Variants in NFIX observed in about 807,000 individuals in gnomAD.
NFIX encodes the protein nuclear factor I X.
Under a neutral mutation model 53.3 loss-of-function variants are expected in NFIX, and 2 were observed. The observed-to-expected ratio is 0.04, with a 90% CI of 0.02 to 0.12. The LOEUF (loss-of-function observed/expected upper bound fraction) is 0.12. Ranked by LOEUF, NFIX falls within the 10% of genes least tolerant of loss-of-function variation. The probability of loss-of-function intolerance (pLI) is 1.00; values close to 1 mark genes in which losing one functional copy is unlikely to be tolerated. For synonymous variants in NFIX, 244 were observed against 289.0 expected, an observed-to-expected ratio of 0.84 and a Z score of 1.58; for missense variants, 310 against 674.5, an observed-to-expected ratio of 0.46 and a Z score of 5.99.
intron 2 of NFIX, among the ~76,000 whole-genome samples, chr19:13,057,279 G>A (rs1334707472): frequency 5.3e-5 from 8 of 152,368 alleles, no homozygotes; most frequent in African/African-American, 1.4e-4. Flanking sequence ...GCAGAGCGGG[G>A]AGCGAGCAGG....
intron 5 of NFIX, among the ~76,000 whole-genome samples, chr19:13,075,242 G>C (rs1299308739): frequency 2.0e-5 from 3 of 152,114 alleles, no homozygotes; most frequent in African/African-American, 7.2e-5. Flanking sequence ...TGGGATACAG[G>C]AGGCAGCTGA....
chr19:13,074,883 C>T (rs2016987812), intron 5 of NFIX, among the ~76,000 whole-genome samples: 1 of 151,494 alleles, frequency 6.6e-6, no homozygotes, highest in Admixed American at 6.6e-5. Flanking sequence ...TCCTGGCTAA[C>T]ACGGTGAAAC....
chr19:13,081,576 G>A lies in NFIX; in HGVS notation c.1079-104G>A. ...TGTGGCGGCTGCCTTACCTGCTCAGGATCCTCAGGACCCTCTGACCGGCAG... is the reference window on the plus strand; with the variant it reads ...TGTGGCGGCTGCCTTACCTGCTCAGAATCCTCAGGACCCTCTGACCGGCAG... On this transcript the variant is annotated intron_variant, in intron 7 of 10. Transcript: ENST00000592199. This position sits in a 1 kb window ranked among gnomAD's most constrained non-coding sequence, Gnocchi z 4.7. The A allele has an allele frequency of 8.1e-7, 1 of 1,238,222 alleles. No homozygotes were observed. Among genetic ancestry groups the A allele is most frequent in the African/African-American group, 1.5e-5 (1 of 66,626 alleles). The allele number at this position is 1,238,222 out of a possible 1,614,324, so 76.7% of individuals were successfully genotyped here.
rs867124497 is a variant in NFIX, at chr19:13,019,727, G to T, written c.28-5294G>T. 3.4e-3 allele frequency among the ~76,000 whole-genome samples: 423 copies of T among 123,816 alleles called. 1 individual carries two copies. The highest frequency in any genetic ancestry group is 0.01 in the South Asian group (41 of 3,918). 81.2% of individuals were successfully genotyped at this position (123,816 alleles called of 152,430 possible). A position where few individuals can be genotyped will look rare whatever the true frequency, so the allele number is the denominator to read the frequency against. ...ACTGTTGCTGGTTTTTTTTTTGTTT[G>T]TTTGTTTTTTTTTTTTTTTTACCAA... is the stretch of plus-strand genomic sequence containing the variant. On this transcript the variant is annotated intron_variant, in intron 1 of 10. Transcript: ENST00000592199.
At chr19:13,071,043 T>C (rs1223311209) in intron 2 of NFIX, 2 of 152,386 alleles carry the variant, frequency 1.3e-5, no homozygotes, top group Non-Finnish European at 2.9e-5. Context: ...TTCCTCCTTC[T>C]TCCCCTGATT....
Position 13,025,471 on chromosome 19 carries a change from G to A in NFIX, c.478G>A (p.Gly160Ser), listed in dbSNP as rs1568269482. 3 of 1,613,908 alleles carry A rather than the reference G, an allele frequency of 1.9e-6. No homozygotes were observed. Among genetic ancestry groups the A allele is most frequent in the Non-Finnish European group, 2.5e-6 (3 of 1,179,916 alleles). The change falls in exon 2 of 11, where the codon GGC (glycine) becomes AGC (serine). Residue 160 changes from glycine (G) to serine (S), a missense_variant. By Grantham distance (56) the Gly-to-Ser change is moderately conservative. Coordinates refer to ENST00000592199, the MANE Select transcript of NFIX (RefSeq NM_001365902.3). This position sits in a 1 kb window ranked among gnomAD's most constrained non-coding sequence, Gnocchi z 7.5. Reference sequence around the variant, plus strand: ...CAAGTCGCCTCAGTGCTCGAACCCCGGCCTGTGCGTCCAGCCACATCACAT... The same window carrying A: ...CAAGTCGCCTCAGTGCTCGAACCCCAGCCTGTGCGTCCAGCCACATCACAT... ...LYKSPQCSNP[G>S]LCVQPHHIGV...
intron 1 of NFIX, among the ~76,000 whole-genome samples, chr19:13,004,540 C>G (rs2011908956): frequency 6.6e-6 from 1 of 152,178 alleles, no homozygotes; most frequent in Admixed American, 6.5e-5. Flanking sequence ...TGCCTGAGAG[C>G]TGAGACCTGC....
rs4078717 is a variant in NFIX at position 13,022,365 on chromosome 19, G to A, written c.28-2656G>A. On this transcript the variant is annotated intron_variant, in intron 1 of 10. Transcript: ENST00000592199. The surrounding 1 kb of genome is among the most constrained non-coding windows in gnomAD (Gnocchi z 4.5). ...GGGGGCTGGGGGAGAAGGGAGGGAC[G>A]TGTGGGGTGCTGGCCTCCCCCTTGT... Among the ~76,000 whole-genome samples, 1 of 152,132 alleles carries A rather than the reference G, an allele frequency of 6.6e-6. No individual in the cohort carries two copies. The highest frequency in any genetic ancestry group is 1.9e-4 in the East Asian group (1 of 5,180).
chr19:13,002,686 A>G lies in NFIX; in HGVS notation c.27+6822A>G, dbSNP rs2011778717. 6.6e-6 allele frequency among the ~76,000 whole-genome samples: 1 copy of G among 152,126 alleles called. No individual in the cohort carries two copies. The highest frequency in any genetic ancestry group is 1.5e-5 in the Non-Finnish European group (1 of 67,996). On this transcript the variant is annotated intron_variant, in intron 1 of 10. Coordinates refer to ENST00000592199, the MANE Select transcript of NFIX (RefSeq NM_001365902.3). The surrounding 1 kb of genome is among the most constrained non-coding windows in gnomAD (Gnocchi z 6.1). ...CAAGTTGCGTTTGCCACCACTACCGATGTGGCTGCGCCAGCCAGGGAGGGG... is the reference window on the plus strand; with the variant it reads ...CAAGTTGCGTTTGCCACCACTACCGGTGTGGCTGCGCCAGCCAGGGAGGGG...
At chr19:13,079,443 C>A (rs1216631679) in intron 7 of NFIX, among the ~76,000 whole-genome samples, 1 of 152,248 alleles carries the variant, frequency 6.6e-6, no homozygotes, top group African/African-American at 2.4e-5. Context: ...GGAGCTGAGA[C>A]CTCAGCCCTG....
At position 13,013,353 on chromosome 19, in the gene NFIX, C is replaced by CAT. The variant is rs1173391927; in HGVS notation, c.28-11667_28-11666insTA. 1.3e-5 allele frequency among the ~76,000 whole-genome samples: 2 copies of CAT among 152,188 alleles called. No homozygotes were observed. The highest frequency in any genetic ancestry group is 4.8e-5 in the African/African-American group (2 of 41,444). ...GGAGCCAGAGCAGCCCCCGAGCATTCAGAGAAAGCCGCCCGTCCCCAGTCC... is the reference window on the plus strand; with the variant it reads ...GGAGCCAGAGCAGCCCCCGAGCATTCATAGAGAAAGCCGCCCGTCCCCAGTCC... On this transcript the variant is annotated intron_variant, in intron 1 of 10. Coordinates refer to ENST00000592199, the MANE Select transcript of NFIX (RefSeq NM_001365902.3). This position sits in a 1 kb window ranked among gnomAD's most constrained non-coding sequence, Gnocchi z 5.9.
At position 13,089,006 on chromosome 19, in the gene NFIX, G is replaced by C. The variant is rs567481568; in HGVS notation, c.1402+870G>C. Among the ~76,000 whole-genome samples, 1 of 152,008 alleles carries C rather than the reference G, an allele frequency of 6.6e-6. No homozygotes were observed. On this transcript the variant is annotated intron_variant, in intron 9 of 10. Transcript: ENST00000592199. This position sits in a 1 kb window ranked among gnomAD's most constrained non-coding sequence, Gnocchi z 4.8. ...GGTGGGCAGCTCTGGGGGTGGGCAG[G>C]CCACAGGCCAGGGCAGTTCGGTGGC...
In NFIX at chr19:13,028,044, G is replaced by A. The variant is rs1485205241; in HGVS notation, c.559+2492G>A. ...GCATCACTTGTTCCTCTTTGGAGTT[G>A]GGTTGGGTGGTCTTGAGATGGCACA... On this transcript the variant is annotated intron_variant, in intron 2 of 10. Coordinates refer to ENST00000592199, the MANE Select transcript of NFIX (RefSeq NM_001365902.3). The surrounding 1 kb of genome is among the most constrained non-coding windows in gnomAD (Gnocchi z 4.2). Among the ~76,000 whole-genome samples the A allele has an allele frequency of 6.6e-6, 1 of 152,214 alleles. No homozygotes were observed. The highest frequency in any genetic ancestry group is 2.4e-5 in the African/African-American group (1 of 41,440).
Position 13,090,329 on chromosome 19 carries a change from A to G in NFIX, c.1433A>G (p.Asn478Ser). The change falls in exon 10 of 11, where the codon AAC becomes AGC. Residue 478 changes from asparagine (N) to serine (S), a missense_variant. Asn to Ser is a conservative substitution (Grantham distance 46, BLOSUM62 1). This residue lies in a region of NFIX where 44 missense variants were observed against 73.4 expected (regional missense o/e 0.60). Coordinates refer to ENST00000592199, the MANE Select transcript of NFIX (RefSeq NM_001365902.3). The surrounding 1 kb of genome is among the most constrained non-coding windows in gnomAD (Gnocchi z 6.6). ...GCAACGACAGGCGCCTCCTCTGCCA[A>G]CCGGTTTGTCAGCATCGGACCCCGG... ...SFATTGASSANRFVSIGPRDG... is the reference protein window; with the variant it reads ...SFATTGASSASRFVSIGPRDG... The G allele has an allele frequency of 1.2e-6, 2 of 1,613,898 alleles. No homozygotes were observed.
At chr19:13,085,718 C>A (rs1022154604) in intron 8 of NFIX, among the ~76,000 whole-genome samples, 3 of 152,118 alleles carry the variant, frequency 2.0e-5, no homozygotes, top group African/African-American at 7.2e-5. Context: ...GTCAAAGGAA[C>A]CATTTAGAGG....
At position 13,009,518 on chromosome 19, in the gene NFIX, C is replaced by G. The variant is rs2012213056; in HGVS notation, c.27+13654C>G. Among the ~76,000 whole-genome samples, 1 of 152,178 alleles carries G rather than the reference C, an allele frequency of 6.6e-6. No individual in the cohort carries two copies. Among genetic ancestry groups the G allele is most frequent in the South Asian group, 2.1e-4 (1 of 4,830 alleles). On this transcript the variant is annotated intron_variant, in intron 1 of 10. Coordinates refer to ENST00000592199, the MANE Select transcript of NFIX (RefSeq NM_001365902.3). The surrounding 1 kb of genome is among the most constrained non-coding windows in gnomAD (Gnocchi z 4.7). Reference sequence around the variant, plus strand: ...ACAGGTTCACTCCAGCTTTTCATCCCCCTTCTGGCCACCTGAGGCTCCTCC... The same window carrying G: ...ACAGGTTCACTCCAGCTTTTCATCCGCCTTCTGGCCACCTGAGGCTCCTCC...
chr19:13,080,916 C>T (rs1286779595), intron 7 of NFIX, among the ~76,000 whole-genome samples: 3 of 152,120 alleles, frequency 2.0e-5, no homozygotes, highest in African/African-American at 4.8e-5. Context: ...AGGAGAATGG[C>T]GTGAACCCGG....
intron 1 of NFIX, among the ~76,000 whole-genome samples, chr19:13,015,808 A>ACACACACACG (rs1555695242): frequency 2.0e-4 from 30 of 150,812 alleles, no homozygotes; most frequent in East Asian, 7.9e-4. Context: ...ACACACACAC[A>ACACACACACG]CACACGCACA....
chr19:13,038,159 A>C (rs1023109462), intron 2 of NFIX, among the ~76,000 whole-genome samples: 3 of 152,226 alleles, frequency 2.0e-5, no homozygotes, highest in African/African-American at 7.2e-5. Flanking sequence ...CCTTTGAGAC[A>C]GTGCCATCTC....
Sources: allele counts gnomAD v4.1 joint callset (sites outside exome capture counted in the v4.1 genomes callset), GRCh38; gene constraint gnomAD v4.1.1; regional missense constraint gnomAD v4.1.1; non-coding constraint Gnocchi (gnomAD v3.1); transcripts MANE v1.5; gene names NCBI Gene and HGNC (gene_info 2026-07-23, HGNC 2026-07-21).